The following ARFGEF3 variants were observed in gnomAD, a reference collection of about 807,000 sequenced individuals.
ARFGEF3 encodes the protein brefeldin A-inhibited guanine nucleotide-exchange protein 3.
In ARFGEF3, 96 loss-of-function variants were observed where a neutral mutation model predicts 221.7. The ratio of observed to expected loss-of-function variants is 0.43; its 90% CI spans 0.37 to 0.51. The LOEUF is 0.51. Among genes scored for constraint, ARFGEF3 ranks in the 20% least tolerant of loss-of-function variants. ARFGEF3 has a pLI of 0.00. For missense variants in ARFGEF3, 2,410 were observed against 2,789.9 expected, an observed-to-expected ratio of 0.86 and a Z score of 3.07; for synonymous variants, 1,145 against 1,126.8, an observed-to-expected ratio of 1.02 and a Z score of -0.32.
intron 12 of ARFGEF3, among the ~76,000 whole-genome samples, chr6:138,268,076 G>C (rs1475542223): frequency 2.0e-5 from 3 of 152,172 alleles, no homozygotes; most frequent in Non-Finnish European, 2.9e-5. Flanking sequence ...ACTGATCGTT[G>C]CTTTGGCTAC....
Position 138,291,862 on chromosome 6 carries a change from G to C in ARFGEF3, c.3177G>C (p.Glu1059Asp), listed in dbSNP as rs746685227. The change falls in exon 19 of 34, where the codon GAG (glutamate) becomes GAC (aspartate). Residue 1059 changes from glutamate to aspartate, a missense_variant. Coordinates refer to ENST00000251691, the MANE Select transcript of ARFGEF3 (RefSeq NM_020340.5). This position sits in a 1 kb window ranked among gnomAD's most constrained non-coding sequence, Gnocchi z 4.5. Reference sequence around the variant, plus strand: ...GCCTCCTTGGGGACCCCGAGTGTGAGGGCTCGCCCCCCGAGCACAGCCCGG... The same window carrying C: ...GCCTCCTTGGGGACCCCGAGTGTGACGGCTCGCCCCCCGAGCACAGCCCGG... ...SAGLLGDPEC[E>D]GSPPEHSPEQ... is the part of the protein sequence containing the mutation. 6.7e-7 allele frequency: 1 copy of C among 1,498,434 alleles called. No homozygotes were observed. The highest frequency in any genetic ancestry group is 1.4e-5 in the African/African-American group (1 of 69,534). The allele number at this position is 1,498,434 out of a possible 1,614,324, so 92.8% of individuals were successfully genotyped here.
rs756476305 is a variant in ARFGEF3, at chr6:138,336,384, G to A, written c.6432G>A (p.Pro2144=). ...CGGCCCTCCAGCCCGCAGTGTTCCC[G>A]TGCATCAGTCAGCTGACCTGTCACG... ...TFTALQPAVF[P]CISQLTCHVT... The change falls in exon 34 of 34, where the codon CCG becomes CCA. Residue 2144 remains proline, a synonymous_variant. Transcript: ENST00000251691. 3 of 1,613,172 alleles carry A rather than the reference G, an allele frequency of 1.9e-6. No individual in the cohort carries two copies. The highest frequency in any genetic ancestry group is 1.7e-5 in the Admixed American group (1 of 59,898).
chr6:138,263,636 T>G (rs536287719), intron 12 of ARFGEF3, 25 bp downstream of exon 12: 1 of 1,562,466 alleles, frequency 6.4e-7, no homozygotes, highest in African/African-American at 1.4e-5. Context: ...CTCTGCTGTA[T>G]AGTCAACAAG....
intron 2 of ARFGEF3, among the ~76,000 whole-genome samples, chr6:138,181,973 A>G (rs944131090): frequency 6.6e-6 from 1 of 152,154 alleles, no homozygotes; most frequent in Non-Finnish European, 1.5e-5. Flanking sequence ...AGCTCCATAG[A>G]GTTATTTACA....
chr6:138,312,713 T>TTTTGTTTG (rs369412915), intron 25 of ARFGEF3, among the ~76,000 whole-genome samples: 4 of 152,168 alleles, frequency 2.6e-5, no homozygotes, highest in African/African-American at 9.6e-5. Flanking sequence ...TCCCCCACTT[T>TTTTGTTTG]TTTGTTTGTT....
chr6:138,180,759 G>C (rs1777063220), intron 2 of ARFGEF3, among the ~76,000 whole-genome samples: 1 of 152,118 alleles, frequency 6.6e-6, no homozygotes, highest in South Asian at 2.1e-4. Context: ...AGTGAGCAAG[G>C]GCTTGTTCTA....
chr6:138,314,814 T>C (rs1010962857), intron 26 of ARFGEF3, among the ~76,000 whole-genome samples: 7 of 152,226 alleles, frequency 4.6e-5, no homozygotes, highest in African/African-American at 1.7e-4. Flanking sequence ...GGGGAAATAT[T>C]CAAACCGTAG....
intron 5 of ARFGEF3, among the ~76,000 whole-genome samples, chr6:138,232,394 A>G (rs1433972985): frequency 2.6e-5 from 4 of 152,088 alleles, no homozygotes; most frequent in Admixed American, 2.6e-4. Context: ...AATCCCAGCT[A>G]CTCGGGAGGC....
rs118086430 is a variant in ARFGEF3 at position 138,203,150 on chromosome 6, T to C, written c.138-3892T>C. Among the ~76,000 whole-genome samples, 93 of 144,934 alleles carry C rather than the reference T, an allele frequency of 6.4e-4. 1 individual carries two copies. The East Asian group carries it at 0.012, about 19-fold the overall frequency. ...TCTAGGAAGAGGGTCCTTTGCCAGA[T>C]TGTGTGTATGTGTGTGTGTGTGTGT... is the stretch of plus-strand genomic sequence containing the variant. On this transcript the variant is annotated intron_variant, in intron 2 of 33. Coordinates refer to ENST00000251691, the MANE Select transcript of ARFGEF3 (RefSeq NM_020340.5).
At chr6:138,174,781 T>G (rs1776905693) in intron 2 of ARFGEF3, among the ~76,000 whole-genome samples, 2 of 152,314 alleles carry the variant, frequency 1.3e-5, no homozygotes, top group South Asian at 4.1e-4. Context: ...TTCCTATTTT[T>G]TTCTTTTGCC....
rs142731490 is a variant in ARFGEF3, at chr6:138,312,604, T to C, written c.4200+1094T>C. ...CTCTGCTTCCTCTGCTGGGACTCTC[T>C]CCCCAGATTCTAGGTGCCACTCTTT... is the stretch of plus-strand genomic sequence containing the variant. On this transcript the variant is annotated intron_variant, in intron 25 of 33. Coordinates refer to ENST00000251691, the MANE Select transcript of ARFGEF3 (RefSeq NM_020340.5). Among the ~76,000 whole-genome samples, 414 of 152,220 alleles carry C rather than the reference T, an allele frequency of 2.7e-3. 2 individuals are homozygous for C. The highest frequency in any genetic ancestry group is 9.4e-3 in the African/African-American group (389 of 41,528).
At chr6:138,183,466 T>C (rs76956856) in intron 2 of ARFGEF3, among the ~76,000 whole-genome samples, 2,067 of 152,296 alleles carry the variant, frequency 0.014, 31 homozygotes, top group Middle Eastern at 0.058. Flanking sequence ...CCTCGCTGTG[T>C]TCAGTTCTAC....
At chr6:138,233,135 A>T (rs376789077) in intron 5 of ARFGEF3, among the ~76,000 whole-genome samples, 6 of 152,324 alleles carry the variant, frequency 3.9e-5, no homozygotes, top group African/African-American at 1.4e-4. Flanking sequence ...TCAAGTGGCC[A>T]TAGGGAATAT....
chr6:138,169,943 A>G (rs987174378), intron 1 of ARFGEF3, among the ~76,000 whole-genome samples: 1 of 152,152 alleles, frequency 6.6e-6, no homozygotes, highest in Non-Finnish European at 1.5e-5. Flanking sequence ...GGGCTTGTTG[A>G]CTCCAAGGAG....
At chr6:138,230,108 A>T (rs1384290219) in intron 5 of ARFGEF3, among the ~76,000 whole-genome samples, 1 of 152,076 alleles carries the variant, frequency 6.6e-6, no homozygotes, top group African/African-American at 2.4e-5. Context: ...AAATAACAGT[A>T]CTGGTTCCCC....
chr6:138,206,394 G>T, intron 2 of ARFGEF3, among the ~76,000 whole-genome samples: 1 of 147,298 alleles, frequency 6.8e-6, no homozygotes, highest in South Asian at 2.1e-4. Context: ...TTGCATCTAG[G>T]CACCTCTTAT....
At position 138,280,032 on chromosome 6, in the gene ARFGEF3, G is replaced by T; in HGVS notation, c.2329G>T (p.Val777Leu). 6.2e-7 allele frequency: 1 copy of T among 1,613,870 alleles called. No homozygotes were observed. Among genetic ancestry groups the T allele is most frequent in the Non-Finnish European group, 8.5e-7 (1 of 1,179,784 alleles). Reference protein sequence around the residue: ...DFMKQVQTSGVLMVFSQAWIE... With the variant: ...DFMKQVQTSGLLMVFSQAWIE... Reference sequence around the variant, plus strand: ...CATGAAGCAGGTGCAGACCAGCGGCGTGCTGATGGTCTTCTCTCAGGCCTG... The same window carrying T: ...CATGAAGCAGGTGCAGACCAGCGGCTTGCTGATGGTCTTCTCTCAGGCCTG... The change falls in exon 14 of 34, where the codon GTG becomes TTG. Residue 777 changes from valine (V) to leucine (L), a missense_variant. Val to Leu is a conservative substitution (Grantham distance 32, BLOSUM62 1). This residue lies in a region of ARFGEF3 where 594 missense variants were observed against 734.3 expected (regional missense o/e 0.81). Coordinates refer to ENST00000251691, the MANE Select transcript of ARFGEF3 (RefSeq NM_020340.5).
At chr6:138,213,243 G>A (rs1481284413) in intron 4 of ARFGEF3, among the ~76,000 whole-genome samples, 3 of 149,708 alleles carry the variant, frequency 2.0e-5, no homozygotes, top group South Asian at 2.1e-4. Context: ...AGCTGAGATC[G>A]TGCCACTGCA....
At chr6:138,184,558 T>A (rs750928722) in intron 2 of ARFGEF3, among the ~76,000 whole-genome samples, 3 of 152,222 alleles carry the variant, frequency 2.0e-5, no homozygotes, top group Non-Finnish European at 4.4e-5. Context: ...TAAGTAGCAT[T>A]ATTTCCTCGT....
Sources: gnomAD v4.1 joint callset for allele counts (sites outside exome capture counted in the v4.1 genomes callset) on GRCh38, gnomAD v4.1.1 for gene constraint, gnomAD v4.1.1 regional missense constraint, Gnocchi (gnomAD v3.1) non-coding constraint, MANE v1.5 for transcripts, NCBI Gene and HGNC (gene_info 2026-07-23, HGNC 2026-07-21) for gene names.